Variants in FER observed in about 807,000 individuals in gnomAD.
The protein encoded by FER is tyrosine-protein kinase Fer.
FER carries 63 observed loss-of-function variants against 111.0 expected under a neutral mutation model. The observed-to-expected ratio is 0.57, with a 90% CI of 0.46 to 0.70. The LOEUF (loss-of-function observed/expected upper bound fraction) is 0.70. FER is among the 30% of genes least tolerant of loss of function. The pLI is 0.00. For synonymous variants in FER, 327 were observed against 313.9 expected, an observed-to-expected ratio of 1.04 and a Z score of -0.44; for missense variants, 914 against 954.0, an observed-to-expected ratio of 0.96 and a Z score of 0.55.
chr5:108,942,610 C>G (rs1756420058), intron 10 of FER, among the ~76,000 whole-genome samples: 2 of 152,092 alleles, frequency 1.3e-5, no homozygotes, highest in South Asian at 4.1e-4. Context: ...AATTCTGTAT[C>G]CTGATGGGAA....
At chr5:108,791,586 A>T (rs1461166019) in intron 2 of FER, among the ~76,000 whole-genome samples, 1 of 149,402 alleles carries the variant, frequency 6.7e-6, no homozygotes, top group Non-Finnish European at 1.5e-5. Context: ...ATATATATAT[A>T]TACATATATA....
At chr5:108,859,920 C>CTATTAT (rs202162884) in intron 5 of FER, among the ~76,000 whole-genome samples, 23,560 of 141,444 alleles carry the variant, frequency 0.17, 2,276 homozygotes, top group African/African-American at 0.27. Flanking sequence ...ATGTATATAC[C>CTATTAT]TATTATTATT....
At chr5:108,914,229 CTCTGTG>C (rs1478481722) in intron 10 of FER, among the ~76,000 whole-genome samples, 37 of 137,918 alleles carry the variant, frequency 2.7e-4, no homozygotes, top group African/African-American at 1.0e-3. Context: ...TAACTTGTCT[CTCTGTG>C]TGTGTGTGTG....
intron 17 of FER, among the ~76,000 whole-genome samples, chr5:109,144,819 T>A (rs1184708652): frequency 1.3e-5 from 2 of 152,082 alleles, no homozygotes; most frequent in Non-Finnish European, 2.9e-5. Flanking sequence ...TGAGGACAAA[T>A]ACAAATATCT....
Position 108,794,651 on chromosome 5 carries a change from A to G in FER, c.-59-3473A>G, listed in dbSNP as rs571164538. On this transcript the variant is annotated intron_variant, in intron 2 of 19. Coordinates refer to ENST00000281092, the MANE Select transcript of FER (RefSeq NM_005246.4). The stretch of plus-strand genomic sequence containing the variant: ...TTTATGCTTAAAGGATATTTTCACC[A>G]GATATGCTATTCTAGGGTAAACTTT... Among the ~76,000 whole-genome samples, 5 of 151,160 alleles carry G rather than the reference A, an allele frequency of 3.3e-5. No homozygotes were observed. In the East Asian group the frequency reaches 9.7e-4, roughly 29 times the overall value.
intron 13 of FER, among the ~76,000 whole-genome samples, chr5:108,989,786 TA>T (rs763281193): frequency 1.3e-5 from 2 of 152,012 alleles, no homozygotes; most frequent in African/African-American, 4.8e-5. Flanking sequence ...ATTTCCTTTA[TA>T]AAAATCGTAT....
chr5:109,006,413 C>A (rs540356711), intron 13 of FER, among the ~76,000 whole-genome samples: 10 of 152,264 alleles, frequency 6.6e-5, no homozygotes, highest in African/African-American at 2.4e-4. Context: ...TGTTCTCTTG[C>A]CTACCGCCAT....
At chr5:108,788,025 G>C (rs548786094) in intron 2 of FER, among the ~76,000 whole-genome samples, 3 of 152,180 alleles carry the variant, frequency 2.0e-5, no homozygotes, top group Non-Finnish European at 4.4e-5. Flanking sequence ...ACTACGCTGC[G>C]TGCAACGAGA....
At chr5:108,852,027 A>G (rs1762589118) in intron 5 of FER, among the ~76,000 whole-genome samples, 1 of 152,190 alleles carries the variant, frequency 6.6e-6, no homozygotes, top group South Asian at 2.1e-4. Flanking sequence ...GGGGAAACAA[A>G]CTATCTTCCT....
intron 13 of FER, among the ~76,000 whole-genome samples, chr5:108,997,241 T>TAAAA (rs777216661): frequency 3.0e-5 from 4 of 133,264 alleles, no homozygotes; most frequent in Non-Finnish European, 4.8e-5. Flanking sequence ...CCGTCTCTAC[T>TAAAA]AAAAAAAAAA....
At chr5:108,943,372 CTT>C (rs1756538615) in intron 10 of FER, among the ~76,000 whole-genome samples, 1 of 152,192 alleles carries the variant, frequency 6.6e-6, no homozygotes, top group Admixed American at 6.5e-5. Context: ...GACTCATACT[CTT>C]TATCCCTTCT....
chr5:108,920,947 T>C (rs969074843), intron 10 of FER, among the ~76,000 whole-genome samples: 1 of 152,140 alleles, frequency 6.6e-6, no homozygotes, highest in African/African-American at 2.4e-5. Context: ...ACTCCAGCCA[T>C]TGAGGTCTTA....
At chr5:109,166,606 C>G (rs1475325871) in intron 17 of FER, among the ~76,000 whole-genome samples, 1 of 152,174 alleles carries the variant, frequency 6.6e-6, no homozygotes, top group Non-Finnish European at 1.5e-5. Context: ...AGTGTCTTAA[C>G]ACACAACTGT....
At chr5:108,762,295 A>C (rs115795788) in intron 1 of FER, among the ~76,000 whole-genome samples, 2,380 of 152,292 alleles carry the variant, frequency 0.016, 27 homozygotes, top group South Asian at 0.024. Flanking sequence ...CCCCAGTGTG[A>C]GCAAAGTTAT....
chr5:108,798,277 T>C lies in FER; in HGVS notation c.95T>C (p.Met32Thr). 2 of 1,614,042 alleles carry C rather than the reference T, an allele frequency of 1.2e-6. No homozygotes were observed. The highest frequency in any genetic ancestry group is 1.7e-6 in the Non-Finnish European group (2 of 1,179,914). The part of the protein sequence containing the change: ...LRLLETVKKF[M>T]ALRIKSDKEY... ...TTACTGGAAACAGTAAAGAAATTTA[T>C]GGCCCTGAGAATAAAAAGTGATAAA... Residue 32 changes from methionine to threonine, a missense_variant, in exon 3 of 20, where the codon ATG (methionine) becomes ACG (threonine). Met to Thr is a moderately conservative substitution (Grantham distance 81). Coordinates refer to ENST00000281092, the MANE Select transcript of FER (RefSeq NM_005246.4).
intron 13 of FER, among the ~76,000 whole-genome samples, chr5:109,020,951 G>A (rs1348841699): frequency 6.6e-6 from 1 of 152,016 alleles, no homozygotes; most frequent in Non-Finnish European, 1.5e-5. Context: ...AGAACATAAA[G>A]ATAGCATGTT....
At chr5:108,876,395 C>T (rs1011677811) in intron 8 of FER, among the ~76,000 whole-genome samples, 14 of 152,188 alleles carry the variant, frequency 9.2e-5, no homozygotes, top group African/African-American at 3.1e-4. Flanking sequence ...ATATGTGGCA[C>T]ACTCATTACT....
intron 16 of FER, chr5:109,052,337 C>T (rs775813685): frequency 1.6e-5 from 25 of 1,597,648 alleles, no homozygotes; most frequent in Non-Finnish European, 1.8e-5. Context: ...GCTGACTCAA[C>T]CACTGTCTTC....
chr5:108,966,787 A>T (rs1441574548), intron 13 of FER, among the ~76,000 whole-genome samples: 1 of 152,196 alleles, frequency 6.6e-6, no homozygotes, highest in East Asian at 1.9e-4. Context: ...TTCTGATATG[A>T]ACATGGATGT....
Sources: gnomAD v4.1 joint callset for allele counts (sites outside exome capture counted in the v4.1 genomes callset) on GRCh38, gnomAD v4.1.1 for gene constraint, MANE v1.5 for transcripts, NCBI Gene and HGNC (gene_info 2026-07-23, HGNC 2026-07-21) for gene names.